Variants in TOPAZ1 observed in about 807,000 individuals in gnomAD.
TOPAZ1 encodes testis and ovary specific TOPAZ 1, also known as protein TOPAZ1.
TOPAZ1 carries 66 observed loss-of-function variants against 172.2 expected under a neutral mutation model. That is an observed-to-expected ratio of 0.38 (90% CI 0.31 to 0.47). TOPAZ1 has a LOEUF of 0.47. TOPAZ1 is among the 20% of genes least tolerant of loss of function. TOPAZ1 has a pLI of 0.99. For missense variants in TOPAZ1, 1,822 were observed against 1,972.4 expected, an observed-to-expected ratio of 0.92 and a Z score of 1.44; for synonymous variants, 681 against 683.9, an observed-to-expected ratio of 1.00 and a Z score of 0.07.
chr3:44,315,535 T>TTA (rs2125703123), intron 16 of TOPAZ1, among the ~76,000 whole-genome samples: 1 of 146,396 alleles, frequency 6.8e-6, no homozygotes, highest in South Asian at 2.2e-4. Context: ...GTCTGGCTAT[T>TTA]TTTTTTTTTT....
rs527654870 is a variant in TOPAZ1 at position 44,264,869 on chromosome 3, C to G, written c.3021-2128C>G. ...TCATCCATAAGAAGCAACTCTTAAT[C>G]CATTCAAGTTTTATCATGAGATTGC... On this transcript the variant is annotated intron_variant, in intron 5 of 19. Coordinates refer to ENST00000309765, the MANE Select transcript of TOPAZ1 (RefSeq NM_001145030.2). Among the ~76,000 whole-genome samples, 39 of 152,306 alleles carry G rather than the reference C, an allele frequency of 2.6e-4. 2 individuals are homozygous for G. In the South Asian group the frequency reaches 7.9e-3, roughly 31 times the overall value.
intron 2 of TOPAZ1, among the ~76,000 whole-genome samples, chr3:44,246,482 T>C (rs1273866420): frequency 6.6e-6 from 1 of 152,226 alleles, no homozygotes; most frequent in East Asian, 1.9e-4. Flanking sequence ...CTTATTGTTA[T>C]AAGAACTTGA....
intron 9 of TOPAZ1, among the ~76,000 whole-genome samples, chr3:44,285,718 G>A (rs1352571058): frequency 6.6e-6 from 1 of 151,454 alleles, no homozygotes; most frequent in Non-Finnish European, 1.5e-5. Flanking sequence ...CTACAGGCCT[G>A]TGCCACCATG....
At chr3:44,273,195 C>T (rs1204942688) in intron 8 of TOPAZ1, among the ~76,000 whole-genome samples, 2 of 152,170 alleles carry the variant, frequency 1.3e-5, no homozygotes, top group African/African-American at 4.8e-5. Flanking sequence ...CTTCCTCATT[C>T]GTGAATCTTT....
chr3:44,301,217 C>T (rs926336798), intron 12 of TOPAZ1, among the ~76,000 whole-genome samples: 4 of 152,082 alleles, frequency 2.6e-5, no homozygotes, highest in African/African-American at 9.7e-5. Flanking sequence ...CACACAAATA[C>T]ATGTAAAAAT....
chr3:44,335,664 A>G (rs918366753), downstream of TOPAZ1, among the ~76,000 whole-genome samples: 1 of 152,138 alleles, frequency 6.6e-6, no homozygotes, highest in African/African-American at 2.4e-5. Flanking sequence ...AGGGCCCCTC[A>G]ATCTTGGGCT....
chr3:44,241,945 G>T lies in TOPAZ1; in HGVS notation c.-109G>T, dbSNP rs966265426. 2 of 1,014,428 alleles carry T rather than the reference G, an allele frequency of 2.0e-6. No homozygotes were observed. Among genetic ancestry groups the T allele is most frequent in the Non-Finnish European group, 2.8e-6 (2 of 707,658 alleles). 62.8% of individuals were successfully genotyped at this position (1,014,428 alleles called of 1,614,324 possible). Reference sequence around the variant, plus strand: ...CCCGGGCTGTGGTGACTGGCGGTGTGGGGTGGGTCAGAGGGCAGTAGGTAC... The same window carrying T: ...CCCGGGCTGTGGTGACTGGCGGTGTTGGGTGGGTCAGAGGGCAGTAGGTAC... On this transcript the variant is annotated 5_prime_UTR_variant, in exon 1 of 20. Coordinates refer to ENST00000309765, the MANE Select transcript of TOPAZ1 (RefSeq NM_001145030.2).
intron 16 of TOPAZ1, among the ~76,000 whole-genome samples, chr3:44,318,484 C>T (rs1273524265): frequency 4.8e-4 from 3 of 6,270 alleles, no homozygotes; most frequent in African/African-American, 2.2e-3. Flanking sequence ...CTGAGGGCCA[C>T]GGTGGGGGGT....
intron 2 of TOPAZ1, 77 bp from the exon 3 acceptor site, chr3:44,254,891 A>G (rs1699678462): frequency 6.6e-6 from 7 of 1,061,162 alleles, no homozygotes; most frequent in Middle Eastern, 2.1e-4. Flanking sequence ...TAAAGTGACT[A>G]TTATTAATGT....
intron 5 of TOPAZ1, among the ~76,000 whole-genome samples, chr3:44,264,482 A>C (rs1488091276): frequency 6.6e-6 from 1 of 152,166 alleles, no homozygotes; most frequent in African/African-American, 2.4e-5. Context: ...ACATCATCTG[A>C]GCCTTCAGTG....
At chr3:44,281,115 T>G (rs1044441086) in intron 8 of TOPAZ1, among the ~76,000 whole-genome samples, 1 of 152,220 alleles carries the variant, frequency 6.6e-6, no homozygotes, top group East Asian at 1.9e-4. Flanking sequence ...ATTTACACTT[T>G]CCCTGTATTA....
chr3:44,313,013 C>T (rs1700412088), intron 16 of TOPAZ1, among the ~76,000 whole-genome samples: 1 of 151,908 alleles, frequency 6.6e-6, no homozygotes, highest in Non-Finnish European at 1.5e-5. Context: ...CAGGCAGTAG[C>T]CTTTCAGTGA....
chr3:44,244,797 A>G lies in TOPAZ1; in HGVS notation c.2291A>G (p.Lys764Arg). 1.9e-6 allele frequency: 3 copies of G among 1,551,656 alleles called. No homozygotes were observed. Among genetic ancestry groups the G allele is most frequent in the East Asian group, 4.9e-5 (2 of 40,910 alleles). The change falls in exon 2 of 20, where the codon AAG (lysine) becomes AGG (arginine). Residue 764 changes from lysine (K) to arginine (R), a missense_variant. Lys to Arg is a conservative substitution (Grantham distance 26). This residue lies in a region of TOPAZ1 where 1,489 missense variants were observed against 1,490.8 expected (regional missense o/e 1.00). Coordinates refer to ENST00000309765, the MANE Select transcript of TOPAZ1 (RefSeq NM_001145030.2). The part of the protein sequence containing the change: ...VQASSDSFYN[K>R]KSYSISPSFT... ...GCTAGTTCTGACTCATTCTACAATA[A>G]GAAATCCTATAGTATTTCTCCAAGC...
At chr3:44,320,399 T>C (rs1023466064) in intron 16 of TOPAZ1, among the ~76,000 whole-genome samples, 2 of 152,144 alleles carry the variant, frequency 1.3e-5, no homozygotes, top group Non-Finnish European at 2.9e-5. Context: ...AGATCGAGAC[T>C]GTCCTGGCTG....
chr3:44,284,924 T>A (rs1256434315), intron 9 of TOPAZ1, among the ~76,000 whole-genome samples: 1 of 152,220 alleles, frequency 6.6e-6, no homozygotes, highest in Non-Finnish European at 1.5e-5. Context: ...TTATCTTCAA[T>A]ATTTTAGATT....
chr3:44,331,123 T>G (rs1575222117), intron 19 of TOPAZ1, among the ~76,000 whole-genome samples: 1 of 152,236 alleles, frequency 6.6e-6, no homozygotes, highest in East Asian at 1.9e-4. Context: ...TTGTAGTTAT[T>G]CACTTTCAAA....
At chr3:44,267,963 C>G (rs1275454876) in intron 6 of TOPAZ1, among the ~76,000 whole-genome samples, 1 of 152,104 alleles carries the variant, frequency 6.6e-6, no homozygotes, top group African/African-American at 2.4e-5. Flanking sequence ...AGTTATGCAG[C>G]AAAAACTTCA....
chr3:44,245,555 T>A (rs1264224475), intron 2 of TOPAZ1, among the ~76,000 whole-genome samples: 3 of 86,222 alleles, frequency 3.5e-5, no homozygotes, highest in African/African-American at 1.2e-4. Flanking sequence ...TTTTTTTTTT[T>A]TAACGGAGTC....
chr3:44,292,551 TC>T (rs11309286), intron 12 of TOPAZ1, among the ~76,000 whole-genome samples: 72,384 of 151,836 alleles, frequency 0.48, 18,089 homozygotes, highest in East Asian at 0.8. Context: ...AATAGCAGTA[TC>T]TGGTGCCCTG....
Sources: allele counts gnomAD v4.1 joint callset (sites outside exome capture counted in the v4.1 genomes callset), GRCh38; gene constraint gnomAD v4.1.1; regional missense constraint gnomAD v4.1.1; transcripts MANE v1.5; gene names NCBI Gene and HGNC (gene_info 2026-07-23, HGNC 2026-07-21).